The following GRM8 variants were observed in gnomAD, a reference collection of about 807,000 sequenced individuals.
GRM8 encodes glutamate metabotropic receptor 8.
Under a neutral mutation model 87.2 loss-of-function variants are expected in GRM8, and 47 were observed. The ratio of observed to expected loss-of-function variants is 0.54; its 90% CI spans 0.43 to 0.69. The LOEUF (loss-of-function observed/expected upper bound fraction) is 0.69, where lower values mean the gene tolerates loss of function less well. Among genes scored for constraint, GRM8 ranks in the 30% least tolerant of loss-of-function variants. The pLI is 0.00. For missense variants in GRM8, 1,019 were observed against 1,139.2 expected, an observed-to-expected ratio of 0.89 and a Z score of 1.52; for synonymous variants, 396 against 404.5, an observed-to-expected ratio of 0.98 and a Z score of 0.25.
At chr7:127,130,209 C>G (rs758847564) in intron 2 of GRM8, among the ~76,000 whole-genome samples, 3 of 152,130 alleles carry the variant, frequency 2.0e-5, no homozygotes, top group African/African-American at 4.8e-5. Context: ...ATAAATTACC[C>G]AGTCTCAGGT....
At chr7:127,009,846 C>T (rs1814696376) in intron 3 of GRM8, among the ~76,000 whole-genome samples, 1 of 150,852 alleles carries the variant, frequency 6.6e-6, no homozygotes, top group Non-Finnish European at 1.5e-5. Flanking sequence ...ATCTATATGT[C>T]TTTTTTTTTC....
chr7:126,442,644 C>T (rs918072577), intron 10 of GRM8, among the ~76,000 whole-genome samples: 2 of 151,950 alleles, frequency 1.3e-5, no homozygotes, highest in Non-Finnish European at 2.9e-5. Flanking sequence ...ATAAAGTTTT[C>T]AGAAGATGTC....
At chr7:126,645,303 T>C (rs1458483286) in intron 7 of GRM8, among the ~76,000 whole-genome samples, 2 of 152,222 alleles carry the variant, frequency 1.3e-5, no homozygotes, top group African/African-American at 2.4e-5. Context: ...AACATCATTA[T>C]TGTAGAACCT....
chr7:127,044,081 G>T (rs1433173795), intron 3 of GRM8, among the ~76,000 whole-genome samples: 1 of 152,232 alleles, frequency 6.6e-6, no homozygotes, highest in East Asian at 1.9e-4. Context: ...GGTTCCCCCA[G>T]CAGCACTGAG....
At chr7:126,670,278 A>C (rs1383561353) in intron 7 of GRM8, among the ~76,000 whole-genome samples, 1 of 152,174 alleles carries the variant, frequency 6.6e-6, no homozygotes, top group African/African-American at 2.4e-5. Flanking sequence ...TGAAGTGTCT[A>C]GAAAAGAGAG....
chr7:126,822,344 G>A (rs1366494645), intron 6 of GRM8, among the ~76,000 whole-genome samples: 1 of 152,094 alleles, frequency 6.6e-6, no homozygotes, highest in African/African-American at 2.4e-5. Flanking sequence ...CACTGCTGAG[G>A]ACTATCTTCT....
intron 6 of GRM8, among the ~76,000 whole-genome samples, chr7:126,829,076 A>G (rs896116950): frequency 6.6e-6 from 1 of 151,858 alleles, no homozygotes; most frequent in African/African-American, 2.4e-5. Context: ...ATAGTTTGTT[A>G]TAATTTCTGT....
intron 3 of GRM8, among the ~76,000 whole-genome samples, chr7:127,094,234 AGGAAATGACTTT>A (rs1184429456): frequency 9.8e-5 from 15 of 152,298 alleles, no homozygotes; most frequent in African/African-American, 3.6e-4. Flanking sequence ...GGCTTTAACA[AGGAAATGACTTT>A]GGAAAGGAAA....
At chr7:126,630,954 C>A (rs1563033833) in intron 7 of GRM8, among the ~76,000 whole-genome samples, 1 of 152,118 alleles carries the variant, frequency 6.6e-6, no homozygotes. Context: ...TGAAAGCATT[C>A]CCCTTGAAAG....
chr7:126,547,496 AT>A (rs1817289300), intron 8 of GRM8, among the ~76,000 whole-genome samples: 2 of 151,932 alleles, frequency 1.3e-5, no homozygotes, highest in South Asian at 4.1e-4. Flanking sequence ...ATTATTCATA[AT>A]AAATTATAAT....
intron 3 of GRM8, among the ~76,000 whole-genome samples, chr7:127,009,561 C>T (rs1400372797): frequency 6.6e-6 from 1 of 151,972 alleles, no homozygotes; most frequent in Non-Finnish European, 1.5e-5. Flanking sequence ...ATAAATGCAC[C>T]GCAGGAAAAT....
chr7:126,708,910 T>C (rs1810821864), intron 7 of GRM8, among the ~76,000 whole-genome samples: 1 of 152,102 alleles, frequency 6.6e-6, no homozygotes, highest in Admixed American at 6.6e-5. Flanking sequence ...TTGTAAAACA[T>C]GGTGATATAG....
intron 7 of GRM8, among the ~76,000 whole-genome samples, chr7:126,709,126 G>A (rs1351814114): frequency 6.6e-6 from 1 of 152,098 alleles, no homozygotes; most frequent in Non-Finnish European, 1.5e-5. Context: ...GAAAGGCTCT[G>A]AATAGACGTA....
At chr7:127,103,800 G>T (rs138754810) in intron 3 of GRM8, among the ~76,000 whole-genome samples, 1 of 152,186 alleles carries the variant, frequency 6.6e-6, no homozygotes, top group African/African-American at 2.4e-5. Context: ...GATGCCTTGG[G>T]ATGACACTAT....
At chr7:126,747,374 T>G (rs2151529154) in intron 7 of GRM8, among the ~76,000 whole-genome samples, 1 of 152,144 alleles carries the variant, frequency 6.6e-6, no homozygotes, top group Non-Finnish European at 1.5e-5. Flanking sequence ...TCTGTGGTCA[T>G]GCATTCTGCC....
At chr7:127,058,173 C>A in intron 3 of GRM8, 1 of 519,866 alleles carries the variant, frequency 1.9e-6, no homozygotes, top group Non-Finnish European at 3.9e-6. Context: ...GACACAATGT[C>A]ATGGCATAAT....
chr7:126,510,622 G>A (rs535806160), intron 9 of GRM8, among the ~76,000 whole-genome samples: 156 of 7,816 alleles, frequency 0.02, 2 homozygotes, highest in Middle Eastern at 0.33. Flanking sequence ...TGATTGCCAC[G>A]TGGAAGAGGG....
At chr7:127,194,427 T>C (rs1057120467) in intron 2 of GRM8, among the ~76,000 whole-genome samples, 1 of 152,198 alleles carries the variant, frequency 6.6e-6, no homozygotes, top group Non-Finnish European at 1.5e-5. Flanking sequence ...AAATATCCAT[T>C]CTACTTCCAA....
At chr7:127,121,589 GT>G (rs1234671635) in intron 2 of GRM8, among the ~76,000 whole-genome samples, 1 of 152,118 alleles carries the variant, frequency 6.6e-6, no homozygotes, top group African/African-American at 2.4e-5. Flanking sequence ...AAAAAAAGTC[GT>G]TTAATTGATT....
Sources: allele counts gnomAD v4.1 joint callset (sites outside exome capture counted in the v4.1 genomes callset), GRCh38; gene constraint gnomAD v4.1.1; transcripts MANE v1.5; gene names NCBI Gene and HGNC (gene_info 2026-07-23, HGNC 2026-07-21).